AFG2A: variants seen among roughly 807,000 people sequenced by gnomAD.
AFG2A encodes the protein ATPase family gene 2 protein homolog A.
At chr4:122,981,817 G>T in the AFG2A span, among the ~76,000 whole-genome samples, 1 of 151,404 alleles carries the variant, frequency 6.6e-6, no homozygotes, top group East Asian at 1.9e-4. Context: ...AGTTGTTAGA[G>T]TATAGAAATG....
At chr4:123,244,601 G>T in the AFG2A span, among the ~76,000 whole-genome samples, 1 of 152,316 alleles carries the variant, frequency 6.6e-6, no homozygotes, top group Non-Finnish European at 1.5e-5. Flanking sequence ...ATGATGGAGA[G>T]GGAAAAGAAG....
the AFG2A span, among the ~76,000 whole-genome samples, chr4:123,275,840 G>A: frequency 1.3e-5 from 2 of 152,142 alleles, no homozygotes; most frequent in Admixed American, 1.3e-4. Context: ...TTTTATGGCT[G>A]CGTAGTATTC....
At chr4:122,938,038 T>C in the AFG2A span, 2 of 1,223,826 alleles carry the variant, frequency 1.6e-6, no homozygotes, top group Non-Finnish European at 2.2e-6. Context: ...AAATTTGATA[T>C]GTTGCATTTC....
At chr4:123,068,897 C>T in the AFG2A span, among the ~76,000 whole-genome samples, 4 of 152,112 alleles carry the variant, frequency 2.6e-5, no homozygotes, top group African/African-American at 9.7e-5. Flanking sequence ...TTATCTCCTG[C>T]ATTAATGTTT....
chr4:122,943,306 A>C, the AFG2A span, among the ~76,000 whole-genome samples: 1 of 152,138 alleles, frequency 6.6e-6, no homozygotes, highest in African/African-American at 2.4e-5. Flanking sequence ...TTGCTTTATG[A>C]ATCTGGGTGC....
the AFG2A span, among the ~76,000 whole-genome samples, chr4:122,930,283 T>C: frequency 5.3e-5 from 8 of 152,218 alleles, no homozygotes; most frequent in Non-Finnish European, 1.0e-4. Flanking sequence ...GATATCGACT[T>C]GGTTTGCATA....
the AFG2A span, among the ~76,000 whole-genome samples, chr4:123,017,359 C>CTTT: frequency 1.3e-5 from 1 of 74,146 alleles, no homozygotes; most frequent in African/African-American, 5.3e-5. Context: ...CTTTTGACTT[C>CTTT]TTTTTTTTTT....
chr4:122,932,337 T>A, the AFG2A span, among the ~76,000 whole-genome samples: 1 of 152,002 alleles, frequency 6.6e-6, no homozygotes, highest in East Asian at 1.9e-4. Flanking sequence ...CACAGGCACA[T>A]GCCACCACGT....
chr4:123,114,943 G>A, the AFG2A span, among the ~76,000 whole-genome samples: 10 of 152,330 alleles, frequency 6.6e-5, no homozygotes, highest in South Asian at 1.2e-3. Context: ...ATGGTGGGGC[G>A]CGAGGTTGAG....
the AFG2A span, among the ~76,000 whole-genome samples, chr4:123,135,694 G>A: frequency 6.6e-6 from 1 of 152,116 alleles, no homozygotes; most frequent in Non-Finnish European, 1.5e-5. Flanking sequence ...AAGTAATCTA[G>A]CGATCATTTA....
the AFG2A span, among the ~76,000 whole-genome samples, chr4:123,132,018 G>A: frequency 5.7e-5 from 7 of 121,764 alleles, no homozygotes; most frequent in Non-Finnish European, 7.9e-5. Context: ...GGTATGAGGC[G>A]ACATGCATTG....
At chr4:123,196,190 T>TC in the AFG2A span, among the ~76,000 whole-genome samples, 13 of 145,862 alleles carry the variant, frequency 8.9e-5, 1 homozygote, top group Admixed American at 5.5e-4. Flanking sequence ...TTTTTTTTTT[T>TC]AGTAGGGATG....
chr4:122,943,822 G>T, the AFG2A span, among the ~76,000 whole-genome samples: 1 of 152,114 alleles, frequency 6.6e-6, no homozygotes, highest in African/African-American at 2.4e-5. Context: ...CTCTTTTAGG[G>T]CAGGCCTGGT....
At chr4:123,284,015 C>T in the AFG2A span, among the ~76,000 whole-genome samples, 1 of 152,120 alleles carries the variant, frequency 6.6e-6, no homozygotes, top group Non-Finnish European at 1.5e-5. Context: ...ACACATACCT[C>T]ATTTTGAATT....
the AFG2A span, among the ~76,000 whole-genome samples, chr4:123,090,118 T>G: frequency 1.3e-5 from 2 of 152,222 alleles, no homozygotes; most frequent in Non-Finnish European, 2.9e-5. Context: ...ATCAGAAATA[T>G]CCTAGTTGCT....
chr4:123,157,417 C>T, the AFG2A span, among the ~76,000 whole-genome samples: 2 of 152,148 alleles, frequency 1.3e-5, no homozygotes, highest in African/African-American at 4.8e-5. Flanking sequence ...ACTAGGCCAC[C>T]TCTACCCCCT....
chr4:123,194,463 G>A, the AFG2A span, among the ~76,000 whole-genome samples: 1 of 152,128 alleles, frequency 6.6e-6, no homozygotes. Context: ...AAAACTCACT[G>A]AAGCCTCCAT....
At chr4:122,947,679 A>T in the AFG2A span, among the ~76,000 whole-genome samples, 2 of 152,202 alleles carry the variant, frequency 1.3e-5, no homozygotes, top group African/African-American at 2.4e-5. Context: ...AAAAAAAAAT[A>T]AAAATCACTC....
At chr4:123,283,660 A>G in the AFG2A span, among the ~76,000 whole-genome samples, 1 of 152,220 alleles carries the variant, frequency 6.6e-6, no homozygotes, top group Non-Finnish European at 1.5e-5. Flanking sequence ...TACCTTTTTA[A>G]GGGATTGAAG....
Sources: gnomAD v4.1 joint callset for allele counts (sites outside exome capture counted in the v4.1 genomes callset) on GRCh38, gnomAD v4.1.1 for gene constraint, MANE v1.5 for transcripts, NCBI Gene and HGNC (gene_info 2026-07-23, HGNC 2026-07-21) for gene names.